ANKRD35: variants seen among roughly 807,000 people sequenced by gnomAD.
ANKRD35 encodes the protein ankyrin repeat domain 35.
ANKRD35 carries 102 observed loss-of-function variants against 109.9 expected under a neutral mutation model. The observed-to-expected ratio is 0.93, with a 90% CI of 0.79 to 1.09. ANKRD35 has a LOEUF of 1.09. Among genes scored for constraint, ANKRD35 ranks in the 50% least tolerant of loss-of-function variants. The pLI is 0.00. For missense variants in ANKRD35, 1,240 were observed against 1,230.1 expected, an observed-to-expected ratio of 1.01 and a Z score of -0.12; for synonymous variants, 515 against 512.4, an observed-to-expected ratio of 1.01 and a Z score of -0.07.
chr1:145,881,284 T>TCAAA (rs782207333), intron 1 of ANKRD35, among the ~76,000 whole-genome samples: 11 of 152,056 alleles, frequency 7.2e-5, no homozygotes, highest in Admixed American at 1.3e-4. Context: ...AGACTCCATC[T>TCAAA]CAAACAAACA....
Position 145,878,451 on chromosome 1 carries a change from T to C in ANKRD35, c.199A>G (p.Thr67Ala). 6.4e-7 allele frequency: 1 copy of C among 1,571,766 alleles called. No individual in the cohort carries two copies. Among genetic ancestry groups the C allele is most frequent in the Non-Finnish European group, 8.6e-7 (1 of 1,157,406 alleles). The change falls in exon 3 of 14, where the codon ACA becomes GCA. Residue 67 changes from threonine (T) to alanine (A), a missense_variant. Coordinates refer to ENST00000355594, the MANE Select transcript of ANKRD35 (RefSeq NM_144698.5). ...GCAAGCAGGATAGTCAGACATTCTG[T>C]CAGGCCTTTGGAGGCTGCCAGATGA... ...PFHLAASKGL[T>A]ECLTILLANG...
chr1:145,873,664 T>C lies in ANKRD35; in HGVS notation c.1105A>G (p.Met369Val), dbSNP rs782172555. 8.1e-6 allele frequency: 13 copies of C among 1,614,022 alleles called. No individual in the cohort carries two copies. The highest frequency in any genetic ancestry group is 8.5e-7 in the Non-Finnish European group (1 of 1,180,032). The change falls in exon 10 of 14, where the codon ATG becomes GTG. Residue 369 changes from methionine to valine, a missense_variant. Transcript: ENST00000355594. ...AGGTCCTTAGGACAACCCTGCTCCA[T>C]GCCATCCCCTCCAGGCCGGAGACTA... The part of the protein sequence containing the change: ...GSSLRPGGDG[M>V]EQGCPKDLLA...
chr1:145,885,838 G>A lies in ANKRD35; in HGVS notation c.-80C>T. ...TCCCGAACCCACCGGACTTGGCTGC[G>A]GCTGTGCAAGAGACAGCTGTCAAAA... On this transcript the variant is annotated 5_prime_UTR_variant, in exon 1 of 14. Coordinates refer to ENST00000355594, the MANE Select transcript of ANKRD35 (RefSeq NM_144698.5). The A allele has an allele frequency of 9.1e-7, 1 of 1,101,718 alleles. No individual in the cohort carries two copies. Among genetic ancestry groups the A allele is most frequent in the Admixed American group, 1.8e-5 (1 of 55,422 alleles). The allele number at this position is 1,101,718 out of a possible 1,614,324, so 68.2% of individuals were successfully genotyped here.
chr1:145,885,015 G>T (rs1198732088), intron 1 of ANKRD35, among the ~76,000 whole-genome samples: 1 of 152,178 alleles, frequency 6.6e-6, no homozygotes, highest in South Asian at 2.1e-4. Context: ...GGAAAAGTGG[G>T]ACTGGCGACC....
Position 145,873,966 on chromosome 1 carries a change from T to C in ANKRD35, c.803A>G (p.Gln268Arg). 1.9e-6 allele frequency: 3 copies of C among 1,614,046 alleles called. No homozygotes were observed. The highest frequency in any genetic ancestry group is 2.5e-6 in the Non-Finnish European group (3 of 1,179,984). The change falls in exon 10 of 14, where the codon CAG becomes CGG. Residue 268 changes from glutamine to arginine, a missense_variant. Physicochemically the swap from Gln to Arg is conservative, Grantham distance 43. Transcript: ENST00000355594. The part of the protein sequence containing the change: ...LASQASPSEP[Q>R]AGSPPKSSWR... ...TGAGCTCTTAGGAGGAGAACCTGCC[T>C]GGGGCTCAGATGGAGAGGCCTATGT...
chr1:145,873,232 A>C lies in ANKRD35; in HGVS notation c.1537T>G (p.Leu513Val). Residue 513 changes from leucine to valine, a missense_variant, in exon 10 of 14, where the codon TTG becomes GTG. Coordinates refer to ENST00000355594, the MANE Select transcript of ANKRD35 (RefSeq NM_144698.5). ...WREKDAARGA[L>V]SRPVMEGALG... Reference sequence around the variant, plus strand: ...GCTCCCTCCATGACCGGTCTTGACAAAGCCCCCCGGGCAGCATCCTTTTCT... The same window carrying C: ...GCTCCCTCCATGACCGGTCTTGACACAGCCCCCCGGGCAGCATCCTTTTCT... 2 of 1,614,126 alleles carry C rather than the reference A, an allele frequency of 1.2e-6. No individual in the cohort carries two copies. The highest frequency in any genetic ancestry group is 2.2e-5 in the South Asian group (2 of 91,080).
Position 145,879,374 on chromosome 1 carries a change from G to T in ANKRD35, c.54C>A (p.Asn18Lys), listed in dbSNP as rs1570806128. 1 of 1,582,666 alleles carries T rather than the reference G, an allele frequency of 6.3e-7. No individual in the cohort carries two copies. The highest frequency in any genetic ancestry group is 8.6e-7 in the Non-Finnish European group (1 of 1,163,566). ...SSTQVAVERW[N>K]RHDQKLLEAV... is the part of the protein sequence containing the mutation. ...CCTCCAGCAGCTTCTGATCATGGCG[G>T]TTCCATCTCTCCACCTGGTCCAGAG... Residue 18 changes from asparagine (N) to lysine (K), a missense_variant, in exon 2 of 14, where the codon AAC becomes AAA. By Grantham distance (94) the Asn-to-Lys change is moderately conservative. Coordinates refer to ENST00000355594, the MANE Select transcript of ANKRD35 (RefSeq NM_144698.5).
intron 1 of ANKRD35, among the ~76,000 whole-genome samples, chr1:145,884,097 A>T (rs1181475319): frequency 6.6e-6 from 1 of 152,168 alleles, no homozygotes; most frequent in African/African-American, 2.4e-5. Context: ...GGATTGGGGG[A>T]TCAGAAAGAA....
rs1414559331 is a variant in ANKRD35, at chr1:145,878,452, CAGGCCTTTGG to C, written c.188_197del (p.Ser63Ter). ...CAAGCAGGATAGTCAGACATTCTGT[CAGGCCTTTGG>C]AGGCTGCCAGATGAAACCTGCCAGA... On this transcript the variant is annotated frameshift_variant, in exon 3 of 14. Transcript: ENST00000355594. LOFTEE classifies it high-confidence loss of function. The C allele has an allele frequency of 2.5e-6, 4 of 1,571,580 alleles. No homozygotes were observed. The African/African-American group carries it at 4.1e-5, about 16-fold the overall frequency.
At position 145,872,190 on chromosome 1, in the gene ANKRD35, T is replaced by C. The variant is rs1653852236; in HGVS notation, c.2579A>G (p.Tyr860Cys). The part of the protein sequence containing the change: ...GQELKALLEK[Y>C]NTACREVGRL... ...ACCCACTTCCCGGCAGGCCGTATTA[T>C]ACTTTTCCAACAGAGCCTTTAGCTC... is the stretch of plus-strand genomic sequence containing the variant. Residue 860 changes from tyrosine (Y) to cysteine (C), a missense_variant, in exon 10 of 14, where the codon TAT becomes TGT. Coordinates refer to ENST00000355594, the MANE Select transcript of ANKRD35 (RefSeq NM_144698.5). 6.2e-7 allele frequency: 1 copy of C among 1,610,356 alleles called. No homozygotes were observed. The highest frequency in any genetic ancestry group is 2.2e-5 in the East Asian group (1 of 44,822).
Position 145,867,975 on chromosome 1 carries a change from A to G in ANKRD35, c.2943+16T>C. The G allele has an allele frequency of 6.2e-7, 1 of 1,613,320 alleles. No individual in the cohort carries two copies. The highest frequency in any genetic ancestry group is 1.3e-5 in the African/African-American group (1 of 74,912). On this transcript the variant is annotated intron_variant, in intron 12 of 13. Transcript: ENST00000355594. ...GCTTTATGTCTATACCTCCCTCAAAACTCCACCATGCTCACCCGAGCAGCA... is the reference window on the plus strand; with the variant it reads ...GCTTTATGTCTATACCTCCCTCAAAGCTCCACCATGCTCACCCGAGCAGCA...
chr1:145,867,287 A>G lies in ANKRD35; in HGVS notation c.*43T>C. 6.3e-7 allele frequency: 1 copy of G among 1,588,636 alleles called. No individual in the cohort carries two copies. Among genetic ancestry groups the G allele is most frequent in the Non-Finnish European group, 8.6e-7 (1 of 1,157,596 alleles). On this transcript the variant is annotated splice_region_variant and 3_prime_UTR_variant, in exon 13 of 14. Coordinates refer to ENST00000355594, the MANE Select transcript of ANKRD35 (RefSeq NM_144698.5). Reference sequence around the variant, plus strand: ...TCATCACCCTTAACCCACAACTCACAACAGAGAATCTCGTATCCCTGAGGG... The same window carrying G: ...TCATCACCCTTAACCCACAACTCACGACAGAGAATCTCGTATCCCTGAGGG...
In ANKRD35 at chr1:145,885,831, T is replaced by G. The variant is rs1654456920; in HGVS notation, c.-73A>C. On this transcript the variant is annotated 5_prime_UTR_variant, in exon 1 of 14. Coordinates refer to ENST00000355594, the MANE Select transcript of ANKRD35 (RefSeq NM_144698.5). ...CACAGGTTCCCGAACCCACCGGACT[T>G]GGCTGCGGCTGTGCAAGAGACAGCT... 8 of 1,187,802 alleles carry G rather than the reference T, an allele frequency of 6.7e-6. No individual in the cohort carries two copies. The highest frequency in any genetic ancestry group is 1.0e-5 in the Non-Finnish European group (8 of 797,952). 73.6% of individuals were successfully genotyped at this position (1,187,802 alleles called of 1,614,324 possible).
chr1:145,878,266 A>G, intron 3 of ANKRD35, 125 bp downstream of exon 3: 2 of 1,108,498 alleles, frequency 1.8e-6, no homozygotes, highest in Non-Finnish European at 2.7e-6. Flanking sequence ...GATGCTGGCC[A>G]GAACTTACTA....
In ANKRD35 at chr1:145,872,012, G is replaced by A. The variant is rs1653839996; in HGVS notation, c.2757C>T (p.Leu919=). The A allele has an allele frequency of 3.1e-6, 5 of 1,612,744 alleles. No homozygotes were observed. Among genetic ancestry groups the A allele is most frequent in the South Asian group, 1.1e-5 (1 of 91,070 alleles). The change falls in exon 10 of 14, where the codon CTC becomes CTT. Residue 919 remains leucine, a synonymous_variant. Coordinates refer to ENST00000355594, the MANE Select transcript of ANKRD35 (RefSeq NM_144698.5). ...CTTCCTTGTCTCGGCAAGCCCCAAT[G>A]AGATGCTCCATCTTCTCTTTCAGCA... ...AELLKEKMEH[L]IGACRDKEAK...
Position 145,875,021 on chromosome 1 carries a change from A to G in ANKRD35, c.561-15T>C. The G allele has an allele frequency of 3.2e-6, 5 of 1,580,032 alleles. No individual in the cohort carries two copies. Among genetic ancestry groups the G allele is most frequent in the Non-Finnish European group, 4.3e-6 (5 of 1,161,864 alleles). On this transcript the variant is annotated splice_polypyrimidine_tract_variant and intron_variant, in intron 7 of 13. Coordinates refer to ENST00000355594, the MANE Select transcript of ANKRD35 (RefSeq NM_144698.5). ...TCAAAGCCGATCTGTGGGTTGAGACAAATCTGAGCACAGACTTTCCACATG... is the reference window on the plus strand; with the variant it reads ...TCAAAGCCGATCTGTGGGTTGAGACGAATCTGAGCACAGACTTTCCACATG...
chr1:145,874,927 C>T lies in ANKRD35; in HGVS notation c.640G>A (p.Ala214Thr), dbSNP rs1172127309. 5 of 1,613,536 alleles carry T rather than the reference C, an allele frequency of 3.1e-6. No homozygotes were observed. In the South Asian group the frequency reaches 5.5e-5, roughly 18 times the overall value. The change falls in exon 8 of 14, where the codon GCT becomes ACT. Residue 214 changes from alanine (A) to threonine (T), a missense_variant. Coordinates refer to ENST00000355594, the MANE Select transcript of ANKRD35 (RefSeq NM_144698.5). ...LLLSHGADAG[A>T]VDSTGHDALH... The stretch of plus-strand genomic sequence containing the variant: ...GCATCATGCCCTGTGCTGTCCACAG[C>T]CCCCGCGTCAGCTCCGTGGCTCAGG...
intron 1 of ANKRD35, among the ~76,000 whole-genome samples, chr1:145,881,089 C>A: frequency 6.6e-6 from 1 of 152,284 alleles, no homozygotes; most frequent in Non-Finnish European, 1.5e-5. Flanking sequence ...AGTTCAAGAC[C>A]AGCTTGGCCA....
intron 4 of ANKRD35, among the ~76,000 whole-genome samples, 165 bp downstream of exon 4, chr1:145,877,803 C>G (rs1230440062): frequency 6.6e-6 from 1 of 152,170 alleles, no homozygotes; most frequent in Non-Finnish European, 1.5e-5. Flanking sequence ...GGTGCCTGCA[C>G]ATAGTAGTTA....
Sources: allele counts gnomAD v4.1 joint callset (sites outside exome capture counted in the v4.1 genomes callset), GRCh38; gene constraint gnomAD v4.1.1; transcripts MANE v1.5; gene names NCBI Gene and HGNC (gene_info 2026-07-23, HGNC 2026-07-21).